The following RALGAPA2 variants were observed in gnomAD, a reference collection of about 807,000 sequenced individuals.
The protein encoded by RALGAPA2 is ral GTPase-activating protein subunit alpha-2.
In RALGAPA2, 139 loss-of-function variants were observed where a neutral mutation model predicts 230.4. That is an observed-to-expected ratio of 0.60 (90% CI 0.53 to 0.69). RALGAPA2 has a LOEUF of 0.69. Among genes scored for constraint, RALGAPA2 ranks in the 30% least tolerant of loss-of-function variants. The pLI, the probability that RALGAPA2 is intolerant of heterozygous loss-of-function variation, is 0.00. For synonymous variants in RALGAPA2, 847 were observed against 837.8 expected (o/e 1.01, Z -0.19); for missense variants, 2,163 against 2,276.0 (o/e 0.95, Z 1.01).
intron 5 of RALGAPA2, among the ~76,000 whole-genome samples, 173 bp downstream of exon 5, chr20:20,643,333 A>G (rs1337123713): frequency 6.6e-6 from 1 of 152,234 alleles, no homozygotes; most frequent in Non-Finnish European, 1.5e-5. Flanking sequence ...GTCTCTCGCA[A>G]TAAGTTATGA....
In RALGAPA2 at chr20:20,526,323, G is replaced by A. The variant is rs1054090369; in HGVS notation, c.3622C>T (p.Leu1208Phe). 1.9e-6 allele frequency: 3 copies of A among 1,607,710 alleles called. No homozygotes were observed. Among genetic ancestry groups the A allele is most frequent in the Non-Finnish European group, 2.5e-6 (3 of 1,178,252 alleles). ...KIVAQVACDVLQLLVSYWEKL... is the reference protein window; with the variant it reads ...KIVAQVACDVFQLLVSYWEKL... ...TCCCAGTAGGAAACCAGCAACTGAA[G>A]GACATCGCAAGCTACCTGGGCCACG... Residue 1208 changes from leucine to phenylalanine, a missense_variant, in exon 28 of 40, where the codon CTT becomes TTT. By Grantham distance (22) the Leu-to-Phe change is conservative. Transcript: ENST00000202677.
At chr20:20,396,807 C>A in intron 38 of RALGAPA2, 73 bp from the exon 39 acceptor site, 2 of 1,259,550 alleles carry the variant, frequency 1.6e-6, no homozygotes, top group South Asian at 2.4e-5. Flanking sequence ...ATAACTAACA[C>A]AGTGCTAATA....
intron 1 of RALGAPA2, among the ~76,000 whole-genome samples, chr20:20,692,165 T>C (rs1379836221): frequency 1.3e-5 from 2 of 152,168 alleles, no homozygotes; most frequent in African/African-American, 4.8e-5. Flanking sequence ...ATTATTCCTT[T>C]ATAGGAACAC....
At chr20:20,434,373 T>C (rs981366280) in intron 37 of RALGAPA2, among the ~76,000 whole-genome samples, 6 of 151,862 alleles carry the variant, frequency 4.0e-5, no homozygotes, top group Admixed American at 6.6e-5. Context: ...CCTGATGAGA[T>C]GGAAAAGGTT....
intron 26 of RALGAPA2, among the ~76,000 whole-genome samples, chr20:20,533,687 A>G (rs1321071600): frequency 1.3e-5 from 2 of 152,140 alleles, no homozygotes; most frequent in East Asian, 3.8e-4. Context: ...CTGGGCATTC[A>G]TTTTTTTCAG....
At chr20:20,620,701 A>G (rs987397305) in intron 10 of RALGAPA2, 71 bp from the exon 11 acceptor site, 8 of 1,283,294 alleles carry the variant, frequency 6.2e-6, no homozygotes, top group African/African-American at 6.0e-5. Flanking sequence ...CATCACGGAC[A>G]TTCCCAATGA....
chr20:20,425,001 T>C (rs2060352002), intron 37 of RALGAPA2, among the ~76,000 whole-genome samples: 2 of 152,006 alleles, frequency 1.3e-5, no homozygotes, highest in South Asian at 4.1e-4. Flanking sequence ...ATAATTTGAA[T>C]TGAATTATCC....
chr20:20,641,531 C>T (rs907431798), intron 5 of RALGAPA2, among the ~76,000 whole-genome samples: 14 of 152,142 alleles, frequency 9.2e-5, no homozygotes, highest in South Asian at 2.1e-4. Context: ...GCCAGCATCA[C>T]GCTGTAGGAG....
chr20:20,643,424 C>CA (rs1454198256), intron 5 of RALGAPA2, 82 bp downstream of exon 5: 12 of 1,278,938 alleles, frequency 9.4e-6, no homozygotes, highest in South Asian at 1.5e-5. Flanking sequence ...ATCTTTTTTC[C>CA]AAAATGCCCT....
intron 28 of RALGAPA2, 125 bp downstream of exon 28, chr20:20,526,127 G>C (rs569921542): frequency 2.6e-6 from 2 of 758,268 alleles, no homozygotes; most frequent in African/African-American, 1.8e-5. Flanking sequence ...ATCTTAAAAC[G>C]AGTGACTTGT....
chr20:20,612,053 A>G (rs1456519875), intron 13 of RALGAPA2, among the ~76,000 whole-genome samples: 1 of 152,204 alleles, frequency 6.6e-6, no homozygotes. Flanking sequence ...ATGTGCCAGC[A>G]TTTTTCATAG....
In RALGAPA2 at chr20:20,492,705, G is replaced by A. The variant is rs184683913; in HGVS notation, c.5367+2412C>T. On this transcript the variant is annotated intron_variant, in intron 36 of 39. Coordinates refer to ENST00000202677, the MANE Select transcript of RALGAPA2 (RefSeq NM_020343.4). Reference sequence around the variant, plus strand: ...GCACCCTTTGTCCTCGCTCACAGGCGGCCTTTCCCCTCATTGTCCGTAATA... The same window carrying A: ...GCACCCTTTGTCCTCGCTCACAGGCAGCCTTTCCCCTCATTGTCCGTAATA... Among the ~76,000 whole-genome samples, 163 of 152,234 alleles carry A rather than the reference G, an allele frequency of 1.1e-3. 1 individual carries two copies. The highest frequency in any genetic ancestry group is 3.6e-3 in the African/African-American group (150 of 41,534).
At position 20,536,799 on chromosome 20, in the gene RALGAPA2, G is replaced by A. The variant is rs764866972; in HGVS notation, c.3286-15C>T. 64 of 1,608,022 alleles carry A rather than the reference G, an allele frequency of 4.0e-5. 1 individual carries two copies. Among genetic ancestry groups the A allele is most frequent in the Non-Finnish European group, 5.4e-5 (63 of 1,176,364 alleles). ...GAACGAGGCGCCTGCACATAAGGAA[G>A]AGGAGCACACACATTTCTCTTTTTG... is the stretch of plus-strand genomic sequence containing the variant. On this transcript the variant is annotated splice_polypyrimidine_tract_variant and intron_variant, in intron 24 of 39. Transcript: ENST00000202677.
Position 20,712,386 on chromosome 20 carries a change from C to T in RALGAPA2, c.95G>A (p.Arg32Gln), listed in dbSNP as rs1230500477. The T allele has an allele frequency of 1.3e-6, 2 of 1,548,960 alleles. No individual in the cohort carries two copies. The highest frequency in any genetic ancestry group is 4.9e-5 in the East Asian group (2 of 40,636). Reference sequence around the variant, plus strand: ...GGCGCGCGCCTCACCCAGCAGCGCCCGCAGGTGCTTCAGGCGGGTCAGCAC... The same window carrying T: ...GGCGCGCGCCTCACCCAGCAGCGCCTGCAGGTGCTTCAGGCGGGTCAGCAC... ...KDVLTRLKHL[R>Q]ALLDNVDAND... The change falls in exon 1 of 40, where the codon CGG becomes CAG. Residue 32 changes from arginine to glutamine, a missense_variant. By Grantham distance (43) the Arg-to-Gln change is conservative. Coordinates refer to ENST00000202677, the MANE Select transcript of RALGAPA2 (RefSeq NM_020343.4). This position sits in a 1 kb window ranked among gnomAD's most constrained non-coding sequence, Gnocchi z 5.5.
intron 35 of RALGAPA2, 42 bp from the exon 36 acceptor site, chr20:20,495,317 A>T: frequency 6.9e-7 from 1 of 1,442,488 alleles, no homozygotes; most frequent in Non-Finnish European, 9.3e-7. Context: ...GGGTGATAAC[A>T]GCAGTTTATG....
intron 1 of RALGAPA2, among the ~76,000 whole-genome samples, chr20:20,684,094 C>T (rs890820683): frequency 6.6e-6 from 1 of 152,182 alleles, no homozygotes; most frequent in African/African-American, 2.4e-5. Context: ...CTGAATAAAA[C>T]TAACTTTAAT....
At chr20:20,638,858 G>C (rs184332961) in intron 7 of RALGAPA2, among the ~76,000 whole-genome samples, 4 of 152,186 alleles carry the variant, frequency 2.6e-5, no homozygotes, top group African/African-American at 9.7e-5. Context: ...TATTCAGAAA[G>C]AGCAGCCAAG....
intron 39 of RALGAPA2, among the ~76,000 whole-genome samples, chr20:20,394,413 G>A (rs908854910): frequency 2.0e-5 from 3 of 152,212 alleles, no homozygotes; most frequent in South Asian, 2.1e-4. Context: ...CGCGGTGGGC[G>A]GATCGCTTCA....
At chr20:20,473,069 C>T (rs1476482590) in intron 36 of RALGAPA2, 113 bp from the exon 37 acceptor site, 1 of 1,168,546 alleles carries the variant, frequency 8.6e-7, no homozygotes, top group Non-Finnish European at 1.2e-6. Context: ...CTGTCACCCA[C>T]AGAGCAGACG....
Sources: allele counts gnomAD v4.1 joint callset (sites outside exome capture counted in the v4.1 genomes callset), GRCh38; gene constraint gnomAD v4.1.1; non-coding constraint Gnocchi (gnomAD v3.1); transcripts MANE v1.5; gene names NCBI Gene and HGNC (gene_info 2026-07-23, HGNC 2026-07-21).